Variants in SF3B1 observed in about 807,000 individuals in gnomAD.
SF3B1 encodes pre-mRNA processing 10.
SF3B1 carries 12 observed loss-of-function variants against 153.8 expected under a neutral mutation model. The ratio of observed to expected loss-of-function variants is 0.08; its 90% confidence interval spans 0.05 to 0.13. The LOEUF (loss-of-function observed/expected upper bound fraction) is 0.13. Among genes scored for constraint, SF3B1 ranks in the 10% least tolerant of loss-of-function variants. The pLI, the probability that SF3B1 is intolerant of heterozygous loss-of-function variation, is 1.00. For missense variants in SF3B1, 513 were observed against 1,606.1 expected (o/e 0.32, Z 11.63); for synonymous variants, 498 against 525.2 (o/e 0.95, Z 0.71).
intron 4 of SF3B1, chr2:197,420,149 C>A: frequency 2.8e-6 from 1 of 360,908 alleles, no homozygotes; most frequent in Admixed American, 4.6e-5. Flanking sequence ...GTATAGAAAG[C>A]GTACCCAAAA....
intron 1 of SF3B1, among the ~76,000 whole-genome samples, chr2:197,430,563 C>T (rs1276179864): frequency 6.6e-6 from 1 of 152,186 alleles, no homozygotes; most frequent in Non-Finnish European, 1.5e-5. Flanking sequence ...AAGAGATTCT[C>T]CTGCCTGAGG....
At chr2:197,428,988 G>A (rs775271460) in intron 1 of SF3B1, among the ~76,000 whole-genome samples, 22 of 152,140 alleles carry the variant, frequency 1.4e-4, no homozygotes, top group Non-Finnish European at 2.6e-4. Context: ...AAAGGCGGGG[G>A]TTGGCAACTA....
chr2:197,408,706 C>G (rs2085025622), intron 7 of SF3B1, 125 bp from the exon 8 acceptor site: 2 of 710,466 alleles, frequency 2.8e-6, no homozygotes, highest in East Asian at 5.4e-5. Flanking sequence ...AATGGTGACC[C>G]ATTTAAAGTT....
intron 9 of SF3B1, among the ~76,000 whole-genome samples, chr2:197,406,703 T>C (rs1442859750): frequency 1.3e-5 from 2 of 152,198 alleles, no homozygotes; most frequent in Non-Finnish European, 2.9e-5. Context: ...GTTCTATCTA[T>C]ACCCACAGCA....
In SF3B1 at chr2:197,402,104, G is replaced by T. The variant is rs16865307; in HGVS notation, c.2104C>A (p.Arg702=). 3.0e-3 allele frequency: 4,782 copies of T among 1,606,010 alleles called. 100 individuals carry two copies. The highest frequency in any genetic ancestry group is 0.028 in the South Asian group (2,523 of 90,384). ...GCAATGGCCAAAGCACTGATGGTCC[G>T]AACTTTCTGCTGCTCATCCACAAGA... ...HGLVDEQQKV[R]TISALAIAAL... is the part of the protein sequence containing the mutation. The change falls in exon 15 of 25, where the codon CGG becomes AGG. Residue 702 remains arginine (R), a synonymous_variant. Transcript: ENST00000335508. This position sits in a 1 kb window ranked among gnomAD's most constrained non-coding sequence, Gnocchi z 4.6.
At chr2:197,405,786 A>C (rs541854677) in intron 9 of SF3B1, among the ~76,000 whole-genome samples, 2 of 152,292 alleles carry the variant, frequency 1.3e-5, no homozygotes, top group East Asian at 3.9e-4. Context: ...AATCTGAGTC[A>C]GCAATTCCAA....
chr2:197,425,018 G>C (rs2085311012), intron 1 of SF3B1, among the ~76,000 whole-genome samples: 1 of 152,182 alleles, frequency 6.6e-6, no homozygotes, highest in Admixed American at 6.5e-5. Flanking sequence ...AGTTAGCCAG[G>C]TGTAATGGCG....
intron 1 of SF3B1, among the ~76,000 whole-genome samples, chr2:197,432,505 T>C (rs1322094497): frequency 1.3e-5 from 2 of 152,216 alleles, no homozygotes; most frequent in East Asian, 1.9e-4. Context: ...CTGGAAAGCA[T>C]AAGCCACATT....
chr2:197,421,277 A>G, intron 2 of SF3B1, 144 bp from the exon 3 acceptor site: 1 of 549,108 alleles, frequency 1.8e-6, no homozygotes. Flanking sequence ...TAGAAACACA[A>G]TTGGTCTTCT....
At chr2:197,397,722 G>C (rs987127175) in intron 22 of SF3B1, among the ~76,000 whole-genome samples, 1 of 152,104 alleles carries the variant, frequency 6.6e-6, no homozygotes, top group African/African-American at 2.4e-5. Flanking sequence ...GCCTGCACCT[G>C]GGAGGCGGTG....
intron 1 of SF3B1, among the ~76,000 whole-genome samples, chr2:197,428,372 T>C (rs951065697): frequency 1.3e-5 from 2 of 152,140 alleles, no homozygotes; most frequent in Admixed American, 6.5e-5. Context: ...TAATTAAAAG[T>C]AATTTTCCAA....
chr2:197,393,439 C>A, intron 23 of SF3B1: 2 of 475,902 alleles, frequency 4.2e-6, no homozygotes, highest in Non-Finnish European at 3.7e-6. Flanking sequence ...ACAATTAAGC[C>A]ATATTTTCTA....
In SF3B1 at chr2:197,408,173, C is replaced by A. The variant is rs560112533; in HGVS notation, c.1118-54G>T. ...TCTATAGTACAAGACTGTATTATTACATACATTGAGATAAAAGACAGTTAA... is the reference window on the plus strand; with the variant it reads ...TCTATAGTACAAGACTGTATTATTAAATACATTGAGATAAAAGACAGTTAA... On this transcript the variant is annotated intron_variant, in intron 8 of 24. Transcript: ENST00000335508. The A allele has an allele frequency of 2.3e-4, 337 of 1,470,068 alleles. 1 individual carries two copies. In the African/African-American group the frequency reaches 4.4e-3, roughly 19 times the overall value. The allele number at this position is 1,470,068 out of a possible 1,614,324, so 91.1% of individuals were successfully genotyped here.
intron 1 of SF3B1, among the ~76,000 whole-genome samples, chr2:197,430,278 A>G (rs2085406954): frequency 6.6e-6 from 1 of 152,214 alleles, no homozygotes; most frequent in Middle Eastern, 3.2e-3. Context: ...AAGTCCCTAC[A>G]CAGAAATACA....
At chr2:197,403,538 A>C (rs773556346) in intron 12 of SF3B1, 47 bp downstream of exon 12, 1 of 1,323,348 alleles carries the variant, frequency 7.6e-7, no homozygotes, top group South Asian at 1.5e-5. Context: ...ATTAACTGAA[A>C]AAGTTAAAAC....
intron 1 of SF3B1, among the ~76,000 whole-genome samples, chr2:197,427,088 CAG>C (rs1375445991): frequency 6.6e-6 from 1 of 152,164 alleles, no homozygotes; most frequent in Non-Finnish European, 1.5e-5. Flanking sequence ...TGATTAGCAT[CAG>C]AGTTTTCCAA....
intron 8 of SF3B1, 113 bp from the exon 9 acceptor site, chr2:197,408,232 C>T (rs748213062): frequency 8.3e-5 from 106 of 1,284,424 alleles, no homozygotes; most frequent in East Asian, 2.7e-4. Flanking sequence ...ATATTATAAA[C>T]GCAAACCAAG....
intron 1 of SF3B1, among the ~76,000 whole-genome samples, chr2:197,424,273 C>T (rs1308557857): frequency 6.6e-5 from 10 of 151,962 alleles, no homozygotes; most frequent in Non-Finnish European, 2.9e-5. Flanking sequence ...AGGAGGTGGG[C>T]GATCACTTGA....
At chr2:197,412,262 T>C (rs1288409367) in intron 6 of SF3B1, among the ~76,000 whole-genome samples, 1 of 152,104 alleles carries the variant, frequency 6.6e-6, no homozygotes, top group African/African-American at 2.4e-5. Flanking sequence ...CTATTATCTA[T>C]TGTAATTCCT....
Sources: allele counts gnomAD v4.1 joint callset (sites outside exome capture counted in the v4.1 genomes callset), GRCh38; gene constraint gnomAD v4.1.1; non-coding constraint Gnocchi (gnomAD v3.1); transcripts MANE v1.5; gene names NCBI Gene and HGNC (gene_info 2026-07-23, HGNC 2026-07-21).